PLCG2: variants seen among roughly 807,000 people sequenced by gnomAD.
PLCG2 encodes 1-phosphatidylinositol 4,5-bisphosphate phosphodiesterase gamma-2.
PLCG2 carries 69 observed loss-of-function variants against 175.6 expected under a neutral mutation model. The ratio of observed to expected loss-of-function variants is 0.39; its 90% CI spans 0.32 to 0.48. The LOEUF (loss-of-function observed/expected upper bound fraction) is 0.48. Among genes scored for constraint, PLCG2 ranks in the 20% least tolerant of loss-of-function variants. The pLI, the probability that PLCG2 is intolerant of heterozygous loss-of-function variation, is 0.91. For synonymous variants in PLCG2, 827 were observed against 624.0 expected (o/e 1.33, Z -4.85); for missense variants, 1,798 against 1,650.9 (o/e 1.09, Z -1.54).
chr16:81,951,165 G>C (rs1362027774), intron 31 of PLCG2, among the ~76,000 whole-genome samples: 1 of 149,252 alleles, frequency 6.7e-6, no homozygotes, highest in Non-Finnish European at 1.5e-5. Context: ...TGTGTGTGTG[G>C]AGACAGGGCC....
chr16:81,842,989 G>T (rs1300621851), intron 2 of PLCG2: 1 of 146,386 alleles, frequency 6.8e-6, no homozygotes, highest in Non-Finnish European at 1.5e-5. Flanking sequence ...TGGAGGGATG[G>T]GTGGTGGGGG....
chr16:81,768,044 C>T (rs529738177), intron 2 of PLCG2, among the ~76,000 whole-genome samples: 2 of 152,310 alleles, frequency 1.3e-5, no homozygotes, highest in South Asian at 2.1e-4. Context: ...CACCCGCCAC[C>T]ATGCCCACCT....
intron 2 of PLCG2, among the ~76,000 whole-genome samples, chr16:81,832,994 C>G (rs1276810778): frequency 6.6e-6 from 1 of 152,198 alleles, no homozygotes; most frequent in Non-Finnish European, 1.5e-5. Context: ...GGAAACAAGT[C>G]ACGCTTGTGA....
chr16:81,778,530 G>A (rs1910561885), upstream of PLCG2, among the ~76,000 whole-genome samples: 1 of 152,136 alleles, frequency 6.6e-6, no homozygotes, highest in South Asian at 2.1e-4. Flanking sequence ...ACACACGAAC[G>A]GAAAAATAAA....
intron 17 of PLCG2, 63 bp from the exon 18 acceptor site, chr16:81,910,457 C>T (rs1445511984): frequency 3.4e-6 from 5 of 1,449,336 alleles, no homozygotes; most frequent in South Asian, 1.1e-5. Context: ...GCCTCTGAGG[C>T]CCTGGCTGCC....
At chr16:81,837,952 A>G (rs545625892) in intron 2 of PLCG2, among the ~76,000 whole-genome samples, 1 of 152,314 alleles carries the variant, frequency 6.6e-6, no homozygotes. Flanking sequence ...GTATTTAGTT[A>G]TGTACAATTT....
At chr16:81,780,153 C>T (rs2081270521) in intron 1 of PLCG2, among the ~76,000 whole-genome samples, 1 of 151,384 alleles carries the variant, frequency 6.6e-6, no homozygotes, top group Admixed American at 6.6e-5. Context: ...CTATGGGGGG[C>T]GGGGTGGTAA....
chr16:81,804,770 C>G lies in PLCG2; in HGVS notation c.193+18588C>G, dbSNP rs182329329. Among the ~76,000 whole-genome samples, 20 of 152,290 alleles carry G rather than the reference C, an allele frequency of 1.3e-4. No homozygotes were observed. The East Asian group carries it at 3.7e-3, about 28-fold the overall frequency. ...TCCACTTTGAGCTCCTCTGCCTCCTCTTTGGCAATCAGTTACCTCCTAAGA... is the reference window on the plus strand; with the variant it reads ...TCCACTTTGAGCTCCTCTGCCTCCTGTTTGGCAATCAGTTACCTCCTAAGA... On this transcript the variant is annotated intron_variant, in intron 2 of 32. Transcript: ENST00000564138.
At chr16:81,783,558 A>T (rs1910839307) in intron 1 of PLCG2, among the ~76,000 whole-genome samples, 1 of 152,134 alleles carries the variant, frequency 6.6e-6, no homozygotes, top group Non-Finnish European at 1.5e-5. Flanking sequence ...GAGGGTTTTG[A>T]TCTTTGTGCT....
chr16:81,954,667 CTTCA>C (rs1246135649), intron 31 of PLCG2, among the ~76,000 whole-genome samples: 2 of 152,176 alleles, frequency 1.3e-5, no homozygotes, highest in African/African-American at 2.4e-5. Context: ...AAGGACATTA[CTTCA>C]TTCATTTTTG....
At chr16:81,828,234 C>CT (rs1905122342) in intron 2 of PLCG2, among the ~76,000 whole-genome samples, 1 of 116,080 alleles carries the variant, frequency 8.6e-6, no homozygotes, top group African/African-American at 3.3e-5. Flanking sequence ...TGAGAAATGT[C>CT]ATTTTTTTTT....
chr16:81,903,644 A>T (rs899535816), intron 14 of PLCG2, among the ~76,000 whole-genome samples: 1 of 152,178 alleles, frequency 6.6e-6, no homozygotes, highest in African/African-American at 2.4e-5. Flanking sequence ...TGAAGGCAGG[A>T]TAAGGGGTGG....
intron 7 of PLCG2, among the ~76,000 whole-genome samples, chr16:81,875,696 G>C (rs1002486588): frequency 6.6e-6 from 1 of 152,130 alleles, no homozygotes; most frequent in Non-Finnish European, 1.5e-5. Context: ...GCTACCTCCT[G>C]ATCAAACCTG....
chr16:81,912,745 C>T, intron 19 of PLCG2, 29 bp downstream of exon 19: 2 of 1,561,644 alleles, frequency 1.3e-6, no homozygotes, highest in Non-Finnish European at 1.7e-6. Context: ...GGCACATGCT[C>T]TACAGAGGGG....
At chr16:81,920,946 C>T (rs187406162) in intron 20 of PLCG2, among the ~76,000 whole-genome samples, 3 of 152,294 alleles carry the variant, frequency 2.0e-5, no homozygotes. Context: ...TGTGCTTTTA[C>T]AAAGGAACGC....
intron 24 of PLCG2, among the ~76,000 whole-genome samples, chr16:81,929,459 G>C (rs1910411642): frequency 6.6e-6 from 1 of 152,206 alleles, no homozygotes; most frequent in African/African-American, 2.4e-5. Flanking sequence ...GCAGTGGCGT[G>C]ATCTTGGCTC....
chr16:81,764,678 G>A (rs1478650927), intron 2 of PLCG2, among the ~76,000 whole-genome samples: 1 of 152,188 alleles, frequency 6.6e-6, no homozygotes, highest in African/African-American at 2.4e-5. Flanking sequence ...GGACCAGGTT[G>A]AACAGTGTCC....
intron 9 of PLCG2, among the ~76,000 whole-genome samples, chr16:81,886,269 C>T (rs1321186336): frequency 6.6e-6 from 1 of 152,124 alleles, no homozygotes; most frequent in East Asian, 1.9e-4. Context: ...GGATCTGGGG[C>T]CAGGAGAAAG....
rs145970850 is a variant in PLCG2 at position 81,922,235 on chromosome 16, C to T, written c.2307+966C>T. Among the ~76,000 whole-genome samples, 5 of 152,342 alleles carry T rather than the reference C, an allele frequency of 3.3e-5. No homozygotes were observed. The East Asian group carries it at 9.6e-4, about 29-fold the overall frequency. ...AGAACCCACATTGCTTCTTATGAAA[C>T]ATCATGCACTATGGCACTAACTCAC... On this transcript the variant is annotated intron_variant, in intron 21 of 32. Coordinates refer to ENST00000564138, the MANE Select transcript of PLCG2 (RefSeq NM_002661.5).
Sources: gnomAD v4.1 joint callset for allele counts (sites outside exome capture counted in the v4.1 genomes callset) on GRCh38, gnomAD v4.1.1 for gene constraint, MANE v1.5 for transcripts, NCBI Gene and HGNC (gene_info 2026-07-23, HGNC 2026-07-21) for gene names.